Variants in MALL observed in about 807,000 individuals in gnomAD.
MALL encodes mal, T cell differentiation protein like, also known as MAL-like protein.
MALL carries 2 observed loss-of-function variants against 10.3 expected under a neutral mutation model. The observed-to-expected ratio is 0.19, with a 90% confidence interval of 0.08 to 0.61. The LOEUF (loss-of-function observed/expected upper bound fraction) is 0.61, where lower values mean the gene tolerates loss of function less well. Among genes scored for constraint, MALL ranks in the 20% least tolerant of loss-of-function variants. The pLI is 0.88. For missense variants in MALL, 39 were observed against 115.2 expected, an observed-to-expected ratio of 0.34 and a Z score of 3.03; for synonymous variants, 27 against 51.8, an observed-to-expected ratio of 0.52 and a Z score of 2.05.
intron 1 of MALL, among the ~76,000 whole-genome samples, chr2:110,095,912 C>G (rs1678430938): frequency 6.6e-6 from 1 of 152,074 alleles, no homozygotes. Context: ...CTTCTTACAG[C>G]TATGATGGAT....
chr2:110,104,060 G>A (rs2104387903), intron 1 of MALL, among the ~76,000 whole-genome samples: 1 of 151,456 alleles, frequency 6.6e-6, no homozygotes, highest in African/African-American at 2.4e-5. Context: ...ATCAGCAGCA[G>A]CAGCTGGAGA....
At chr2:110,108,505 GA>G (rs1346539303) in intron 1 of MALL, among the ~76,000 whole-genome samples, 2 of 150,956 alleles carry the variant, frequency 1.3e-5, no homozygotes, top group Non-Finnish European at 2.9e-5. Context: ...AAAAAAAAAA[GA>G]AAATATGAGC....
chr2:110,106,720 C>T (rs1452196974), intron 1 of MALL, among the ~76,000 whole-genome samples: 1 of 152,106 alleles, frequency 6.6e-6, no homozygotes, highest in Non-Finnish European at 1.5e-5. Flanking sequence ...GGGGCATTTT[C>T]CCTGGAGAAC....
chr2:110,105,137 C>T (rs1450351382), intron 1 of MALL, among the ~76,000 whole-genome samples: 1 of 152,172 alleles, frequency 6.6e-6, no homozygotes, highest in Non-Finnish European at 1.5e-5. Flanking sequence ...ATGAAGTAAC[C>T]TGCCCAGGGT....
At chr2:110,115,906 A>G (rs1475208035), upstream of MALL, 1 of 435,600 alleles carries the variant, frequency 2.3e-6, no homozygotes, top group Non-Finnish European at 3.9e-6. Flanking sequence ...AAAAAAAAAA[A>G]ACGTTCCAGC....
intron 1 of MALL, among the ~76,000 whole-genome samples, chr2:110,113,577 A>G (rs1222804568): frequency 3.3e-5 from 5 of 152,082 alleles, no homozygotes; most frequent in African/African-American, 1.2e-4. Flanking sequence ...TAATTTATGG[A>G]AAAATAAATT....
intron 1 of MALL, among the ~76,000 whole-genome samples, chr2:110,094,670 G>A (rs3849325): frequency 0.81 from 44 of 54 alleles, 21 homozygotes; most frequent in East Asian, 1. Flanking sequence ...CAGGCAGTGC[G>A]TGGTGGGACT....
chr2:110,098,899 G>A (rs1678503394), intron 1 of MALL, among the ~76,000 whole-genome samples: 1 of 152,100 alleles, frequency 6.6e-6, no homozygotes, highest in Admixed American at 6.5e-5. Context: ...CTACTCGGGG[G>A]GCTGAGATGG....
chr2:110,106,581 T>C (rs1334551207), intron 1 of MALL, among the ~76,000 whole-genome samples: 1 of 152,214 alleles, frequency 6.6e-6, no homozygotes, highest in African/African-American at 2.4e-5. Flanking sequence ...ACATGAACTT[T>C]ACTGATAAAG....
chr2:110,104,036 A>ATAG (rs979636691), intron 1 of MALL, among the ~76,000 whole-genome samples: 19 of 151,652 alleles, frequency 1.3e-4, no homozygotes, highest in African/African-American at 4.6e-4. Flanking sequence ...AGGCCTTGCC[A>ATAG]TTGTCTCTCC....
intron 1 of MALL, among the ~76,000 whole-genome samples, chr2:110,108,695 T>A (rs1678743933): frequency 6.6e-6 from 1 of 152,140 alleles, no homozygotes; most frequent in East Asian, 1.9e-4. Context: ...AAAGAACACC[T>A]GGGAAATTCA....
At chr2:110,104,696 AG>A (rs1437892305) in intron 1 of MALL, among the ~76,000 whole-genome samples, 1 of 152,152 alleles carries the variant, frequency 6.6e-6, no homozygotes, top group Non-Finnish European at 1.5e-5. Context: ...CCTGGCTCCC[AG>A]GGCCTCTGGG....
chr2:110,112,552 G>A (rs1678827117), intron 1 of MALL, among the ~76,000 whole-genome samples: 1 of 151,772 alleles, frequency 6.6e-6, no homozygotes, highest in African/African-American at 2.4e-5. Flanking sequence ...ACTCCTGCAA[G>A]AATGGCCATA....
chr2:110,099,990 C>T (rs1230361827), intron 1 of MALL, among the ~76,000 whole-genome samples: 6 of 152,032 alleles, frequency 3.9e-5, no homozygotes, highest in Admixed American at 2.6e-4. Flanking sequence ...GTGCGGGTCG[C>T]CCATACCCCT....
intron 1 of MALL, among the ~76,000 whole-genome samples, chr2:110,101,974 G>A (rs1678572810): frequency 6.6e-6 from 1 of 152,160 alleles, no homozygotes; most frequent in Non-Finnish European, 1.5e-5. Context: ...CCGCGGCCCG[G>A]TGGCTGGGCT....
At chr2:110,103,791 C>G (rs1243501020) in intron 1 of MALL, among the ~76,000 whole-genome samples, 5 of 152,174 alleles carry the variant, frequency 3.3e-5, no homozygotes, top group Admixed American at 3.3e-4. Flanking sequence ...ACCACTGGTT[C>G]AGGGACGGCT....
At chr2:110,101,655 G>A (rs921617192) in intron 1 of MALL, among the ~76,000 whole-genome samples, 1 of 152,124 alleles carries the variant, frequency 6.6e-6, no homozygotes, top group Non-Finnish European at 1.5e-5. Flanking sequence ...GGGGCCCTGA[G>A]TCAGGGCCAG....
At chr2:110,096,755 C>T (rs368975812) in intron 1 of MALL, among the ~76,000 whole-genome samples, 8 of 148,500 alleles carry the variant, frequency 5.4e-5, no homozygotes, top group South Asian at 2.1e-4. Flanking sequence ...TTTTTGCCTA[C>T]GAATCTGGGG....
upstream of MALL, chr2:110,116,018 A>C: frequency 5.2e-6 from 2 of 387,540 alleles, no homozygotes; most frequent in Admixed American, 9.0e-5. Flanking sequence ...GCGCTGGTGC[A>C]GGAGGGAGCA....
Sources: gnomAD v4.1 joint callset for allele counts (sites outside exome capture counted in the v4.1 genomes callset) on GRCh38, gnomAD v4.1.1 for gene constraint, MANE v1.5 for transcripts, NCBI Gene and HGNC (gene_info 2026-07-23, HGNC 2026-07-21) for gene names.